The following BRINP2 variants were observed in gnomAD, a reference collection of about 807,000 sequenced individuals.
The protein encoded by BRINP2 is BMP/retinoic acid inducible neural specific 2, also known as BMP/retinoic acid-inducible neural-specific protein 2.
Under a neutral mutation model 69.2 loss-of-function variants are expected in BRINP2, and 21 were observed. The observed-to-expected ratio is 0.30, with a 90% CI of 0.22 to 0.44. The LOEUF (loss-of-function observed/expected upper bound fraction) is 0.44. BRINP2 is among the 20% of genes least tolerant of loss of function. The pLI is 1.00. For missense variants in BRINP2, 877 were observed against 986.0 expected (o/e 0.89, Z 1.48); for synonymous variants, 380 against 394.1 (o/e 0.96, Z 0.42).
At chr1:177,229,371 C>A (rs1294813939) in intron 1 of BRINP2, among the ~76,000 whole-genome samples, 10 of 152,138 alleles carry the variant, frequency 6.6e-5, no homozygotes, top group Admixed American at 6.5e-4. Context: ...CGAGAGGCAG[C>A]CCACAGTCTG....
intron 2 of BRINP2, among the ~76,000 whole-genome samples, chr1:177,253,522 C>G (rs564232371): frequency 6.6e-6 from 1 of 152,138 alleles, no homozygotes; most frequent in Non-Finnish European, 1.5e-5. Context: ...CTTTGCTATG[C>G]AGGAGCTTTT....
intron 2 of BRINP2, among the ~76,000 whole-genome samples, chr1:177,243,537 A>T (rs1292439808): frequency 6.6e-6 from 1 of 152,194 alleles, no homozygotes; most frequent in Non-Finnish European, 1.5e-5. Context: ...CTACTTGACC[A>T]CAGGGACAAT....
At chr1:177,209,591 G>C (rs1224162443) in intron 1 of BRINP2, among the ~76,000 whole-genome samples, 1 of 152,146 alleles carries the variant, frequency 6.6e-6, no homozygotes, top group East Asian at 1.9e-4. Flanking sequence ...GTTTCTGTTT[G>C]TTTAGACTAA....
chr1:177,211,996 C>G (rs1463125093), intron 1 of BRINP2, among the ~76,000 whole-genome samples: 2 of 151,936 alleles, frequency 1.3e-5, no homozygotes, highest in Non-Finnish European at 2.9e-5. Flanking sequence ...TCTTTTCTTT[C>G]TCTGTTTGAG....
chr1:177,269,623 A>G (rs1651240469), intron 4 of BRINP2, among the ~76,000 whole-genome samples: 1 of 152,170 alleles, frequency 6.6e-6, no homozygotes. Flanking sequence ...AAGCACGTAC[A>G]CCATCAGCTC....
chr1:177,239,470 A>G (rs1650130135), intron 2 of BRINP2, among the ~76,000 whole-genome samples: 1 of 152,224 alleles, frequency 6.6e-6, no homozygotes, highest in Admixed American at 6.5e-5. Flanking sequence ...TTGCCTGGCC[A>G]TGGCTTATAA....
At chr1:177,237,643 G>C (rs539889568) in intron 2 of BRINP2, among the ~76,000 whole-genome samples, 83 of 152,332 alleles carry the variant, frequency 5.4e-4, no homozygotes, top group African/African-American at 1.8e-3. Flanking sequence ...GATGGCCAAG[G>C]GGGGAAGGGA....
At chr1:177,247,123 T>C (rs1284580910) in intron 2 of BRINP2, among the ~76,000 whole-genome samples, 1 of 152,232 alleles carries the variant, frequency 6.6e-6, no homozygotes, top group Non-Finnish European at 1.5e-5. Flanking sequence ...AATGGTGATG[T>C]CATCGCTTGG....
chr1:177,256,398 G>A (rs147657788), intron 3 of BRINP2: 1 of 985,310 alleles, frequency 1.0e-6, no homozygotes, highest in African/African-American at 1.7e-5. Flanking sequence ...TCGCTCCGCT[G>A]AGTCACCCAA....
intron 1 of BRINP2, among the ~76,000 whole-genome samples, chr1:177,186,587 A>G (rs1648431897): frequency 6.6e-6 from 1 of 152,038 alleles, no homozygotes; most frequent in Non-Finnish European, 1.5e-5. Context: ...GAGGTAATGG[A>G]GGTCAAAGTT....
chr1:177,249,285 C>G (rs1044710120), intron 2 of BRINP2, among the ~76,000 whole-genome samples: 2 of 152,182 alleles, frequency 1.3e-5, no homozygotes, highest in South Asian at 4.1e-4. Flanking sequence ...CTAGGCTAAC[C>G]TAAAGCATGC....
At chr1:177,176,237 A>G (rs886316558) in intron 1 of BRINP2, among the ~76,000 whole-genome samples, 8 of 152,188 alleles carry the variant, frequency 5.3e-5, no homozygotes, top group African/African-American at 1.7e-4. Context: ...AGCTCTAGGC[A>G]GTTGCCAATA....
chr1:177,281,722 A>ACC lies in BRINP2; in HGVS notation c.*195_*196insCC. ...ACTGCGTGCGTGCGCGCACGCATAC[A>ACC]CACACACACACACACACTGGCACAG... is the stretch of plus-strand genomic sequence containing the variant. On this transcript the variant is annotated 3_prime_UTR_variant, in exon 8 of 8. Coordinates refer to ENST00000361539, the MANE Select transcript of BRINP2 (RefSeq NM_021165.4). 1 of 500,808 alleles carries ACC rather than the reference A, an allele frequency of 2.0e-6. No individual in the cohort carries two copies. The highest frequency in any genetic ancestry group is 3.4e-6 in the Non-Finnish European group (1 of 290,736). 31.0% of individuals were successfully genotyped at this position (500,808 alleles called of 1,614,324 possible). A position where few individuals can be genotyped will look rare whatever the true frequency, so the allele number is the denominator to read the frequency against.
At chr1:177,175,456 G>C (rs1648062960) in intron 1 of BRINP2, among the ~76,000 whole-genome samples, 1 of 152,170 alleles carries the variant, frequency 6.6e-6, no homozygotes, top group Admixed American at 6.5e-5. Context: ...CTCCCACAGT[G>C]GGCATCTCTC....
intron 1 of BRINP2, among the ~76,000 whole-genome samples, chr1:177,175,269 G>C (rs1648054196): frequency 6.7e-6 from 1 of 149,450 alleles, no homozygotes; most frequent in Non-Finnish European, 1.5e-5. Flanking sequence ...CCACTAAGGA[G>C]GAGACCATGG....
At chr1:177,177,290 AAACAAAC>A (rs1437282739) in intron 1 of BRINP2, among the ~76,000 whole-genome samples, 2 of 151,090 alleles carry the variant, frequency 1.3e-5, no homozygotes, top group East Asian at 1.9e-4. Flanking sequence ...AAAAACAAAC[AAACAAAC>A]AACAACAACA....
chr1:177,196,179 G>A (rs1039136414), intron 1 of BRINP2, among the ~76,000 whole-genome samples: 3 of 152,226 alleles, frequency 2.0e-5, no homozygotes, highest in South Asian at 2.1e-4. Flanking sequence ...GCATTTTAAC[G>A]GATTGCATTT....
intron 1 of BRINP2, among the ~76,000 whole-genome samples, chr1:177,183,173 T>C: frequency 7.1e-6 from 1 of 140,334 alleles, no homozygotes; most frequent in Non-Finnish European, 1.6e-5. Context: ...CTTTTTCTGC[T>C]TCGTTTCTTT....
At chr1:177,233,414 G>A (rs1334681194) in intron 2 of BRINP2, among the ~76,000 whole-genome samples, 2 of 152,226 alleles carry the variant, frequency 1.3e-5, no homozygotes, top group African/African-American at 4.8e-5. Context: ...ATTAAAGGAA[G>A]TATTTGATGT....
Sources: gnomAD v4.1 joint callset for allele counts (sites outside exome capture counted in the v4.1 genomes callset) on GRCh38, gnomAD v4.1.1 for gene constraint, MANE v1.5 for transcripts, NCBI Gene and HGNC (gene_info 2026-07-23, HGNC 2026-07-21) for gene names.